FUT9: variants seen among roughly 807,000 people sequenced by gnomAD.
FUT9 encodes fucosyltransferase 9, also known as 4-galactosyl-N-acetylglucosaminide 3-alpha-L-fucosyltransferase 9.
A neutral mutation model predicts 29.7 loss-of-function variants in FUT9; 15 were observed. That is an observed-to-expected ratio of 0.51 (90% confidence interval 0.34 to 0.78). The LOEUF is 0.78. Ranked by LOEUF, FUT9 falls within the 30% of genes least tolerant of loss-of-function variation. The pLI, the probability that FUT9 is intolerant of heterozygous loss-of-function variation, is 0.01. For synonymous variants in FUT9, 169 were observed against 153.7 expected (o/e 1.10, Z -0.74); for missense variants, 319 against 425.4 (o/e 0.75, Z 2.20).
intron 1 of FUT9, among the ~76,000 whole-genome samples, chr6:96,083,846 G>A (rs1266804073): frequency 6.6e-6 from 1 of 152,020 alleles, no homozygotes; most frequent in Non-Finnish European, 1.5e-5. Flanking sequence ...CTAAGCATCT[G>A]TTTATTTTCA....
chr6:96,147,868 T>C (rs1226909439), intron 2 of FUT9, among the ~76,000 whole-genome samples: 1 of 149,562 alleles, frequency 6.7e-6, no homozygotes, highest in Non-Finnish European at 1.5e-5. Context: ...TAAAAGATGA[T>C]CTGGGACTAC....
chr6:96,162,683 A>G (rs1772934812), intron 2 of FUT9, among the ~76,000 whole-genome samples: 1 of 152,216 alleles, frequency 6.6e-6, no homozygotes, highest in Non-Finnish European at 1.5e-5. Flanking sequence ...ATAGTAGTAT[A>G]TGTCAGAGAC....
At chr6:96,181,367 A>T (rs4640897) in intron 2 of FUT9, among the ~76,000 whole-genome samples, 138,541 of 151,926 alleles carry the variant, frequency 0.91, 64,543 homozygotes, top group Non-Finnish European at 1. Flanking sequence ...GAAGTCTACA[A>T]TGTCACCTTA....
At chr6:96,148,273 C>A (rs540184246) in intron 2 of FUT9, among the ~76,000 whole-genome samples, 1 of 152,278 alleles carries the variant, frequency 6.6e-6, no homozygotes, top group South Asian at 2.1e-4. Context: ...TTCCAACCTA[C>A]AGAATAGGAA....
At chr6:96,133,077 C>A (rs1366504986) in intron 2 of FUT9, among the ~76,000 whole-genome samples, 1 of 151,810 alleles carries the variant, frequency 6.6e-6, no homozygotes. Context: ...AGTCTTTTAT[C>A]CCTCATCCCC....
At chr6:96,070,822 AT>A (rs1280763718) in intron 1 of FUT9, among the ~76,000 whole-genome samples, 27 of 152,336 alleles carry the variant, frequency 1.8e-4, no homozygotes, top group Admixed American at 1.1e-3. Flanking sequence ...ATGTATATGT[AT>A]AATATATCCT....
At chr6:96,148,449 C>T (rs1315131485) in intron 2 of FUT9, among the ~76,000 whole-genome samples, 1 of 152,188 alleles carries the variant, frequency 6.6e-6, no homozygotes, top group Non-Finnish European at 1.5e-5. Flanking sequence ...ATTCAGATTG[C>T]TGGCTTTTTC....
chr6:96,104,522 T>G (rs1003893974), intron 1 of FUT9, among the ~76,000 whole-genome samples: 1 of 152,148 alleles, frequency 6.6e-6, no homozygotes, highest in Non-Finnish European at 1.5e-5. Context: ...AAGTGTAAAT[T>G]ATTTTTTTTG....
At chr6:96,169,309 A>C (rs1773070161) in intron 2 of FUT9, among the ~76,000 whole-genome samples, 1 of 152,198 alleles carries the variant, frequency 6.6e-6, no homozygotes, top group Non-Finnish European at 1.5e-5. Flanking sequence ...TTCCCAATTA[A>C]ATACAGTAAA....
In FUT9 at chr6:96,203,692, G is replaced by A. The variant is rs201945905; in HGVS notation, c.537G>A (p.Val179=). ...TGACGGTAAGCACAAATCCCTTCGT[G>A]TTTGAAGTGCCAAGCAAAGAGAAAT... The part of the protein sequence containing the change: ...GFLTVSTNPF[V]FEVPSKEKLV... Residue 179 remains valine (V), a synonymous_variant, in exon 3 of 3, where the codon GTG becomes GTA. Transcript: ENST00000302103. The A allele has an allele frequency of 1.9e-6, 3 of 1,614,040 alleles. No individual in the cohort carries two copies. Among genetic ancestry groups the A allele is most frequent in the Non-Finnish European group, 2.5e-6 (3 of 1,180,002 alleles).
intron 2 of FUT9, among the ~76,000 whole-genome samples, chr6:96,176,779 C>G (rs758756815): frequency 1.2e-4 from 19 of 152,122 alleles, no homozygotes; most frequent in Admixed American, 7.9e-4. Flanking sequence ...AATTTGTAAT[C>G]TGGGACTCTC....
chr6:96,031,768 C>A (rs1025982479), intron 1 of FUT9, among the ~76,000 whole-genome samples: 4 of 151,466 alleles, frequency 2.6e-5, no homozygotes, highest in African/African-American at 9.7e-5. Context: ...TACTTTACTT[C>A]TACTTTTAAG....
intron 2 of FUT9, among the ~76,000 whole-genome samples, chr6:96,174,977 CAA>C (rs1217047317): frequency 6.6e-6 from 1 of 151,998 alleles, no homozygotes; most frequent in Non-Finnish European, 1.5e-5. Context: ...TGGCTGACTT[CAA>C]AAAGTTTCAG....
At chr6:96,070,914 A>T (rs1771048537) in intron 1 of FUT9, among the ~76,000 whole-genome samples, 5 of 152,182 alleles carry the variant, frequency 3.3e-5, no homozygotes, top group Admixed American at 3.3e-4. Flanking sequence ...AAATAGAAAC[A>T]TTGAAGCATA....
chr6:96,031,908 T>C (rs1770268881), intron 1 of FUT9, among the ~76,000 whole-genome samples: 1 of 151,558 alleles, frequency 6.6e-6, no homozygotes, highest in Admixed American at 6.6e-5. Flanking sequence ...TTCCCAGGCA[T>C]TCAAACTAAC....
At chr6:96,020,292 G>GA (rs937801786) in intron 1 of FUT9, among the ~76,000 whole-genome samples, 1 of 152,066 alleles carries the variant, frequency 6.6e-6, no homozygotes, top group African/African-American at 2.4e-5. Flanking sequence ...ACAATTGACT[G>GA]AAAAATATTC....
chr6:96,074,975 G>A (rs1771120600), intron 1 of FUT9, among the ~76,000 whole-genome samples: 1 of 151,852 alleles, frequency 6.6e-6, no homozygotes, highest in Non-Finnish European at 1.5e-5. Flanking sequence ...TAGAGACAGA[G>A]GTCTCACTGT....
At chr6:96,079,720 A>C (rs1169175891) in intron 1 of FUT9, among the ~76,000 whole-genome samples, 1 of 152,140 alleles carries the variant, frequency 6.6e-6, no homozygotes, top group Non-Finnish European at 1.5e-5. Flanking sequence ...CTCCATCAGA[A>C]AAAGCAACAT....
At chr6:96,035,699 A>T (rs1770343299) in intron 1 of FUT9, among the ~76,000 whole-genome samples, 2 of 138,612 alleles carry the variant, frequency 1.4e-5, no homozygotes, top group African/African-American at 5.2e-5. Context: ...TATTATACTA[A>T]TAAATATAAT....
Sources: gnomAD v4.1 joint callset for allele counts (sites outside exome capture counted in the v4.1 genomes callset) on GRCh38, gnomAD v4.1.1 for gene constraint, MANE v1.5 for transcripts, NCBI Gene and HGNC (gene_info 2026-07-23, HGNC 2026-07-21) for gene names.